PRDM2: variants seen among roughly 807,000 people sequenced by gnomAD.
The protein encoded by PRDM2 is PR/SET domain 2, also known as PR domain zinc finger protein 2.
Under a neutral mutation model 130.0 loss-of-function variants are expected in PRDM2, and 30 were observed. The observed-to-expected ratio is 0.23, with a 90% CI of 0.17 to 0.31. The LOEUF (loss-of-function observed/expected upper bound fraction) is 0.31, where lower values mean the gene tolerates loss of function less well. PRDM2 is among the 10% of genes least tolerant of loss of function. PRDM2 has a pLI of 1.00. For missense variants in PRDM2, 2,011 were observed against 2,108.4 expected (o/e 0.95, Z 0.90); for synonymous variants, 871 against 782.4 (o/e 1.11, Z -1.89).
intron 5 of PRDM2, among the ~76,000 whole-genome samples, chr1:13,745,660 G>C (rs904704454): frequency 3.9e-5 from 6 of 152,152 alleles, no homozygotes; most frequent in African/African-American, 1.4e-4. Flanking sequence ...CTGACCTCGT[G>C]ATCTGCCCAC....
At chr1:13,783,424 A>G (rs756280872) in intron 8 of PRDM2, among the ~76,000 whole-genome samples, 1 of 152,168 alleles carries the variant, frequency 6.6e-6, no homozygotes, top group African/African-American at 2.4e-5. Context: ...GACGGTAAAC[A>G]AGTCAGGATC....
chr1:13,742,237 G>C (rs762606579), intron 5 of PRDM2, 80 bp downstream of exon 5: 20 of 1,469,618 alleles, frequency 1.4e-5, no homozygotes, highest in Non-Finnish European at 1.9e-5. Flanking sequence ...GTCTCATTCT[G>C]TCTCTCAGGC....
At chr1:13,766,601 G>C (rs1465266249) in intron 6 of PRDM2, among the ~76,000 whole-genome samples, 2 of 152,172 alleles carry the variant, frequency 1.3e-5, no homozygotes, top group African/African-American at 4.8e-5. Context: ...TGGGAAGCCC[G>C]TGTCCTCGAT....
rs376088409 is a variant in PRDM2 at position 13,782,072 on chromosome 1, A to C, written c.4277A>C (p.Asn1426Thr). The C allele has an allele frequency of 6.2e-7, 1 of 1,614,138 alleles. No homozygotes were observed. The highest frequency in any genetic ancestry group is 1.1e-5 in the South Asian group (1 of 91,072). ...AAATTAAATGCATTGAAGAAAAAAA[A>C]TCAGCTAGTACAGAAAGCAATTCTT... is the stretch of plus-strand genomic sequence containing the variant. ...KLKLNALKKK[N>T]QLVQKAILQK... Residue 1426 changes from asparagine (N) to threonine (T), a missense_variant, in exon 8 of 10, where the codon AAT (asparagine) becomes ACT (threonine). Transcript: ENST00000311066.
At chr1:13,738,617 A>G (rs1478203449) in intron 4 of PRDM2, 1 of 152,216 alleles carries the variant, frequency 6.6e-6, no homozygotes, top group Non-Finnish European at 1.5e-5. Context: ...TATAAAAGTA[A>G]CCTATGTTTT....
chr1:13,721,121 C>T (rs1642714759), intron 2 of PRDM2, among the ~76,000 whole-genome samples: 3 of 152,082 alleles, frequency 2.0e-5, no homozygotes, highest in Admixed American at 6.6e-5. Context: ...TAGTCCTTGC[C>T]CTTTGCTGTT....
At chr1:13,744,886 G>T (rs1288204325) in intron 5 of PRDM2, among the ~76,000 whole-genome samples, 1 of 152,182 alleles carries the variant, frequency 6.6e-6, no homozygotes, top group East Asian at 1.9e-4. Flanking sequence ...GTTAGGCTTT[G>T]TGAAGAAATT....
chr1:13,735,467 T>G (rs1320657739), intron 4 of PRDM2, among the ~76,000 whole-genome samples: 1 of 152,246 alleles, frequency 6.6e-6, no homozygotes, highest in African/African-American at 2.4e-5. Context: ...GGGATTCAAA[T>G]TGCTTCTAAT....
Position 13,779,081 on chromosome 1 carries a change from A to T in PRDM2, c.1286A>T (p.Asp429Val). 2.5e-6 allele frequency: 4 copies of T among 1,614,188 alleles called. No homozygotes were observed. The highest frequency in any genetic ancestry group is 3.4e-6 in the Non-Finnish European group (4 of 1,180,040). The change falls in exon 8 of 10, where the codon GAT (aspartate) becomes GTT (valine). Residue 429 changes from aspartate (D) to valine (V), a missense_variant. Around this residue, in one of 5 missense-constraint regions of PRDM2, gnomAD observed 1,288 missense variants for 1,237.7 expected, o/e 1.04. Coordinates refer to ENST00000311066, the MANE Select transcript of PRDM2 (RefSeq NM_001393986.1). The surrounding 1 kb of genome is among the most constrained non-coding windows in gnomAD (Gnocchi z 4.9). ...AGCCAAACACTACAGCCGTCAGAGG[A>T]TCTGGCTGATGGCAAAGCATCTGGA... ...KPSQTLQPSEDLADGKASGEN... is the reference protein window; with the variant it reads ...KPSQTLQPSEVLADGKASGEN...
intron 6 of PRDM2, among the ~76,000 whole-genome samples, chr1:13,760,869 A>G (rs866404992): frequency 8.6e-5 from 13 of 151,498 alleles, no homozygotes; most frequent in African/African-American, 2.9e-4. Flanking sequence ...AAAAAAAAAA[A>G]TGAGCAGTTT....
intron 8 of PRDM2, chr1:13,788,207 T>G (rs1644780233): frequency 1.4e-6 from 1 of 701,652 alleles, no homozygotes. Context: ...CCACCTGGCG[T>G]CTGTTCACTT....
chr1:13,817,116 C>T (rs1645270026), intron 9 of PRDM2, among the ~76,000 whole-genome samples: 1 of 152,134 alleles, frequency 6.6e-6, no homozygotes, highest in East Asian at 1.9e-4. Flanking sequence ...ATCTGAAATG[C>T]CCCAAAATCT....
At chr1:13,764,699 C>G (rs1238001686) in intron 6 of PRDM2, among the ~76,000 whole-genome samples, 1 of 152,234 alleles carries the variant, frequency 6.6e-6, no homozygotes, top group Non-Finnish European at 1.5e-5. Flanking sequence ...CAACAGCCCC[C>G]CTGGTGGGAA....
chr1:13,739,195 C>T (rs925598064), intron 4 of PRDM2, among the ~76,000 whole-genome samples: 1 of 151,986 alleles, frequency 6.6e-6, no homozygotes, highest in African/African-American at 2.4e-5. Flanking sequence ...TTCTGGCACC[C>T]GCCACCACGC....
In PRDM2 at chr1:13,775,860, C is replaced by G. The variant is rs576071215; in HGVS notation, c.623-2558C>G. Among the ~76,000 whole-genome samples the G allele has an allele frequency of 1.2e-3, 176 of 152,262 alleles. 3 individuals carry two copies. The South Asian group carries it at 0.036, about 31-fold the overall frequency. The stretch of plus-strand genomic sequence containing the variant: ...CTCCTCGGCCTCCAGTGATGACCTT[C>G]CCCCATCCCTTCACCCACCCTGCAG... On this transcript the variant is annotated intron_variant, in intron 7 of 9. Coordinates refer to ENST00000311066, the MANE Select transcript of PRDM2 (RefSeq NM_001393986.1).
intron 8 of PRDM2, among the ~76,000 whole-genome samples, chr1:13,788,579 G>A (rs1644787991): frequency 6.6e-6 from 1 of 152,206 alleles, no homozygotes; most frequent in Admixed American, 6.5e-5. Context: ...TCAGGGAAAG[G>A]TGGTGAAGGG....
At chr1:13,807,375 G>A (rs532516114) in intron 8 of PRDM2, among the ~76,000 whole-genome samples, 64 of 152,338 alleles carry the variant, frequency 4.2e-4, no homozygotes, top group African/African-American at 1.4e-3. Context: ...AGGTGCCTCC[G>A]TGACAAACCA....
intron 9 of PRDM2, among the ~76,000 whole-genome samples, chr1:13,822,525 A>G (rs1327657677): frequency 3.3e-5 from 5 of 151,466 alleles, no homozygotes; most frequent in Non-Finnish European, 7.4e-5. Context: ...CCTCCTGAGT[A>G]GCTGGGACTA....
intron 8 of PRDM2, chr1:13,786,408 G>A (rs544145858): frequency 1.2e-5 from 17 of 1,464,912 alleles, no homozygotes; most frequent in South Asian, 2.4e-5. Flanking sequence ...ATGTGTTGTC[G>A]TCTTAATAAC....
Sources: gnomAD v4.1 joint callset for allele counts (sites outside exome capture counted in the v4.1 genomes callset) on GRCh38, gnomAD v4.1.1 for gene constraint, gnomAD v4.1.1 regional missense constraint, Gnocchi (gnomAD v3.1) non-coding constraint, MANE v1.5 for transcripts, NCBI Gene and HGNC (gene_info 2026-07-23, HGNC 2026-07-21) for gene names.